ERBB4: variants seen among roughly 807,000 people sequenced by gnomAD.
The protein encoded by ERBB4 is erb-b2 receptor tyrosine kinase 4, also known as receptor tyrosine-protein kinase erbB-4.
A neutral mutation model predicts 158.0 loss-of-function variants in ERBB4; 42 were observed. The observed-to-expected ratio is 0.27, with a 90% confidence interval of 0.21 to 0.34. The LOEUF is 0.34. Ranked by LOEUF, ERBB4 falls within the 10% of genes least tolerant of loss-of-function variation. ERBB4 has a pLI of 1.00. For missense variants in ERBB4, 1,333 were observed against 1,624.1 expected (o/e 0.82, Z 3.08); for synonymous variants, 583 against 558.7 (o/e 1.04, Z -0.61).
chr2:212,456,035 T>G (rs538650045), intron 1 of ERBB4, among the ~76,000 whole-genome samples: 20 of 151,914 alleles, frequency 1.3e-4, no homozygotes, highest in Admixed American at 1.2e-3. Context: ...TGAAGGAGAA[T>G]TGAAAACAAA....
intron 5 of ERBB4, among the ~76,000 whole-genome samples, chr2:211,733,442 G>GCGAGC (rs1559468934): frequency 2.0e-5 from 3 of 147,440 alleles, no homozygotes; most frequent in African/African-American, 8.1e-5. Context: ...ATGAATCTGC[G>GCGAGC]TAAGAATACC....
intron 2 of ERBB4, among the ~76,000 whole-genome samples, chr2:211,992,859 G>C (rs2082113026): frequency 6.6e-6 from 1 of 152,092 alleles, no homozygotes; most frequent in South Asian, 2.1e-4. Flanking sequence ...ATAGTTGTTT[G>C]GCTTTATTCC....
chr2:212,176,124 A>G (rs1396937556), intron 1 of ERBB4, among the ~76,000 whole-genome samples: 1 of 151,940 alleles, frequency 6.6e-6, no homozygotes, highest in Non-Finnish European at 1.5e-5. Context: ...CATGTTCATG[A>G]TCTAGTCTTT....
chr2:212,053,810 C>T (rs185701495), intron 2 of ERBB4, among the ~76,000 whole-genome samples: 14 of 152,306 alleles, frequency 9.2e-5, no homozygotes, highest in Middle Eastern at 6.8e-3. Flanking sequence ...TACGCATATT[C>T]AGGTTTCTAT....
intron 4 of ERBB4, chr2:211,779,433 G>A (rs1056071476): frequency 2.0e-5 from 3 of 152,110 alleles, no homozygotes; most frequent in Non-Finnish European, 4.4e-5. Context: ...TTATTTTCAG[G>A]CTATACACTT....
intron 1 of ERBB4, among the ~76,000 whole-genome samples, chr2:212,191,799 T>C (rs558743575): frequency 4.4e-5 from 6 of 136,310 alleles, no homozygotes; most frequent in African/African-American, 1.6e-4. Flanking sequence ...GTTCTATATG[T>C]TATATATAAT....
At chr2:212,044,851 C>CT (rs929586545) in intron 2 of ERBB4, among the ~76,000 whole-genome samples, 6 of 151,226 alleles carry the variant, frequency 4.0e-5, no homozygotes, top group East Asian at 1.9e-4. Context: ...TTCTTTCTTT[C>CT]TTTTTTTTTC....
chr2:211,387,709 C>T (rs202117064), intron 26 of ERBB4, among the ~76,000 whole-genome samples: 1 of 152,064 alleles, frequency 6.6e-6, no homozygotes, highest in East Asian at 1.9e-4. Flanking sequence ...AATTTATGTG[C>T]CCAGGTAAAT....
At chr2:211,459,634 T>A (rs1163224526) in intron 20 of ERBB4, among the ~76,000 whole-genome samples, 1 of 152,200 alleles carries the variant, frequency 6.6e-6, no homozygotes, top group Non-Finnish European at 1.5e-5. Flanking sequence ...TTCACTTGGC[T>A]CTCATTCTCT....
At chr2:211,615,345 A>C (rs2069345544) in intron 19 of ERBB4, among the ~76,000 whole-genome samples, 2 of 151,980 alleles carry the variant, frequency 1.3e-5, no homozygotes, top group South Asian at 4.1e-4. Flanking sequence ...AAAAAAAAGA[A>C]AACAAAAAAC....
chr2:211,454,986 T>C (rs1187132924), intron 20 of ERBB4, among the ~76,000 whole-genome samples: 2 of 152,238 alleles, frequency 1.3e-5, no homozygotes, highest in African/African-American at 4.8e-5. Flanking sequence ...TGAAACCCTT[T>C]AAAAATTCTA....
chr2:211,473,967 G>A (rs1004397694), intron 20 of ERBB4, among the ~76,000 whole-genome samples: 10 of 152,008 alleles, frequency 6.6e-5, no homozygotes, highest in Admixed American at 6.6e-5. Flanking sequence ...GTAAACCCAT[G>A]AGCCTTTCCA....
At chr2:212,036,978 A>C (rs771067654) in intron 2 of ERBB4, among the ~76,000 whole-genome samples, 4 of 152,162 alleles carry the variant, frequency 2.6e-5, no homozygotes, top group Non-Finnish European at 5.9e-5. Flanking sequence ...TTGGTAGAAC[A>C]GTTTGAGGGC....
At chr2:212,320,231 TA>T (rs66486948) in intron 1 of ERBB4, among the ~76,000 whole-genome samples, 48,950 of 147,468 alleles carry the variant, frequency 0.33, 10,648 homozygotes, top group East Asian at 0.71. Context: ...GTCATACTTT[TA>T]TTTTTTTCCT....
chr2:211,877,299 C>T (rs2078530311), intron 3 of ERBB4, among the ~76,000 whole-genome samples: 1 of 152,150 alleles, frequency 6.6e-6, no homozygotes, highest in African/African-American at 2.4e-5. Context: ...ACTGTGGGGT[C>T]ATAACATTCA....
intron 3 of ERBB4, among the ~76,000 whole-genome samples, chr2:211,815,079 A>G (rs1166572656): frequency 2.6e-5 from 4 of 152,236 alleles, no homozygotes; most frequent in Non-Finnish European, 4.4e-5. Context: ...TATTCATTAA[A>G]AAAGTGTAAG....
At chr2:211,596,528 G>T (rs1468329110) in intron 19 of ERBB4, among the ~76,000 whole-genome samples, 3 of 152,102 alleles carry the variant, frequency 2.0e-5, no homozygotes, top group Non-Finnish European at 4.4e-5. Flanking sequence ...TGTGTCAGAT[G>T]GTTCTAAGGT....
chr2:212,333,364 T>C (rs1427883026), intron 1 of ERBB4, among the ~76,000 whole-genome samples: 1 of 120,682 alleles, frequency 8.3e-6, no homozygotes, highest in African/African-American at 2.8e-5. Context: ...AAAAGCATAA[T>C]CTGGGTAGCT....
At chr2:211,741,237 T>C (rs1575079361) in intron 5 of ERBB4, among the ~76,000 whole-genome samples, 3 of 152,282 alleles carry the variant, frequency 2.0e-5, no homozygotes, top group African/African-American at 7.2e-5. Context: ...TCAGAATAAG[T>C]TGTCATCACT....
Sources: gnomAD v4.1 joint callset for allele counts (sites outside exome capture counted in the v4.1 genomes callset) on GRCh38, gnomAD v4.1.1 for gene constraint, MANE v1.5 for transcripts, NCBI Gene and HGNC (gene_info 2026-07-23, HGNC 2026-07-21) for gene names.